The following SANBR variants were observed in gnomAD, a reference collection of about 807,000 sequenced individuals.
SANBR encodes the protein SANT and BTB domain regulator of CSR, also known as SANT and BTB domain regulator of class switch recombination.
Under a neutral mutation model 101.8 loss-of-function variants are expected in SANBR, and 77 were observed. The observed-to-expected ratio is 0.76, with a 90% confidence interval of 0.63 to 0.91. The LOEUF (loss-of-function observed/expected upper bound fraction) is 0.91, where lower values mean the gene tolerates loss of function less well. Ranked by LOEUF, SANBR falls within the 40% of genes least tolerant of loss-of-function variation. The pLI is 0.00. For missense variants in SANBR, 875 were observed against 853.0 expected, an observed-to-expected ratio of 1.03 and a Z score of -0.32; for synonymous variants, 279 against 274.7, an observed-to-expected ratio of 1.02 and a Z score of -0.15.
At chr2:61,129,392 C>T (rs537269697) in intron 20 of SANBR, among the ~76,000 whole-genome samples, 1 of 150,600 alleles carries the variant, frequency 6.6e-6, no homozygotes, top group East Asian at 2.0e-4. Flanking sequence ...TGCCGTGAGC[C>T]GAGATCATGA....
intron 8 of SANBR, among the ~76,000 whole-genome samples, chr2:61,086,678 T>TA (rs1426474171): frequency 6.6e-6 from 1 of 152,230 alleles, no homozygotes; most frequent in Non-Finnish European, 1.5e-5. Flanking sequence ...CCGGATGTTT[T>TA]ACTTTGCATG....
chr2:61,125,657 A>G (rs1005824849), downstream of SANBR, among the ~76,000 whole-genome samples: 6 of 152,168 alleles, frequency 3.9e-5, no homozygotes, highest in African/African-American at 1.2e-4. Context: ...GCTTCTTACT[A>G]TTTGTTCATG....
chr2:61,130,937 A>T, intron 20 of SANBR, among the ~76,000 whole-genome samples: 1 of 147,358 alleles, frequency 6.8e-6, no homozygotes, highest in East Asian at 1.9e-4. Context: ...CTCAAAAAAA[A>T]AAAAAAAAAA....
intron 6 of SANBR, among the ~76,000 whole-genome samples, chr2:61,079,466 T>TA (rs1203879302): frequency 6.6e-6 from 1 of 152,190 alleles, no homozygotes; most frequent in Non-Finnish European, 1.5e-5. Flanking sequence ...AAAAGTTTTT[T>TA]AAAAAACTTA....
At chr2:61,128,963 A>T (rs1684599093), downstream of SANBR, among the ~76,000 whole-genome samples, 1 of 152,106 alleles carries the variant, frequency 6.6e-6, no homozygotes, top group African/African-American at 2.4e-5. Context: ...TCCTGTTCCA[A>T]AACGAAGGAG....
chr2:61,100,886 A>G (rs1057461158), intron 12 of SANBR, among the ~76,000 whole-genome samples: 5 of 152,192 alleles, frequency 3.3e-5, no homozygotes, highest in African/African-American at 1.2e-4. Flanking sequence ...TCTCTCCAGT[A>G]ACCCTTGTCT....
At chr2:61,120,425 G>A (rs1235523696) in intron 20 of SANBR, among the ~76,000 whole-genome samples, 4 of 152,152 alleles carry the variant, frequency 2.6e-5, no homozygotes, top group South Asian at 2.1e-4. Flanking sequence ...ACTTGAACCC[G>A]GAAGGTTGAG....
intron 8 of SANBR, among the ~76,000 whole-genome samples, chr2:61,085,268 T>C (rs1682362671): frequency 6.6e-6 from 1 of 152,108 alleles, no homozygotes; most frequent in Admixed American, 6.6e-5. Context: ...GAAGACATTG[T>C]CCTATGTTTT....
intron 12 of SANBR, among the ~76,000 whole-genome samples, chr2:61,098,300 C>T (rs907203104): frequency 4.0e-4 from 61 of 151,974 alleles, no homozygotes; most frequent in African/African-American, 1.4e-3. Context: ...GACAGGGTTT[C>T]GCCATGTTGC....
chr2:61,104,211 G>A lies in SANBR; in HGVS notation c.1511+213G>A, dbSNP rs139998920. Among the ~76,000 whole-genome samples the A allele has an allele frequency of 8.1e-3, 1,228 of 152,180 alleles. 18 individuals carry two copies. Among genetic ancestry groups the A allele is most frequent in the African/African-American group, 0.028 (1,148 of 41,526 alleles). ...AAAAATACTGGAGGTGGCTGGGCGC[G>A]GTGGCTCACACCTGTAATCCCAGCA... On this transcript the variant is annotated intron_variant, in intron 13 of 21. Transcript: ENST00000402291.
intron 20 of SANBR, among the ~76,000 whole-genome samples, chr2:61,131,657 G>A (rs1263002379): frequency 6.6e-6 from 1 of 152,184 alleles, no homozygotes; most frequent in African/African-American, 2.4e-5. Context: ...AGACTTGTGA[G>A]AGACTCTCTT....
At chr2:61,085,205 C>T (rs1682356757) in intron 8 of SANBR, among the ~76,000 whole-genome samples, 1 of 152,074 alleles carries the variant, frequency 6.6e-6, no homozygotes, top group South Asian at 2.1e-4. Context: ...TGGATGAGAC[C>T]ATACTTTTTT....
chr2:61,100,540 CAA>C (rs1683233294), intron 12 of SANBR, among the ~76,000 whole-genome samples: 1 of 152,160 alleles, frequency 6.6e-6, no homozygotes, highest in South Asian at 2.1e-4. Context: ...TTAATTTCGA[CAA>C]GAGGGAGGAC....
chr2:61,106,621 C>T lies in SANBR; in HGVS notation c.1570C>T (p.Pro524Ser). 1 of 1,599,536 alleles carries T rather than the reference C, an allele frequency of 6.3e-7. No homozygotes were observed. Among genetic ancestry groups the T allele is most frequent in the South Asian group, 1.1e-5 (1 of 87,232 alleles). ...KGIECDVLLE[P>S]NTPWGPKTGE... ...TATAGAATGTGATGTTTTACTGGAG[C>T]CAAATACACCATGGGGTCCCAAAAC... Residue 524 changes from proline to serine, a missense_variant, in exon 14 of 22, where the codon CCA becomes TCA. Transcript: ENST00000402291.
At position 61,076,954 on chromosome 2, in the gene SANBR, A is replaced by G; in HGVS notation, c.466A>G (p.Lys156Glu). Residue 156 changes from lysine to glutamate, a missense_variant, in exon 6 of 22, where the codon AAA (lysine) becomes GAA (glutamate). By Grantham distance (56) the Lys-to-Glu change is moderately conservative (BLOSUM62 1). Transcript: ENST00000402291. ...NMVIHVCDEAKNLKEDFTCPR... is the reference protein window; with the variant it reads ...NMVIHVCDEAENLKEDFTCPR... ...GGTGATCCATGTGTGTGATGAAGCA[A>G]AAAACTTGAAAGAAGATTTTACTTG... is the stretch of plus-strand genomic sequence containing the variant. 2 of 1,614,134 alleles carry G rather than the reference A, an allele frequency of 1.2e-6. No individual in the cohort carries two copies. Among genetic ancestry groups the G allele is most frequent in the Non-Finnish European group, 1.7e-6 (2 of 1,180,006 alleles).
intron 14 of SANBR, among the ~76,000 whole-genome samples, chr2:61,106,966 A>G (rs1683602542): frequency 6.6e-6 from 1 of 152,014 alleles, no homozygotes. Context: ...GGAGTTTGAG[A>G]CCAGCCTGGG....
chr2:61,125,897 T>C (rs1294848185), downstream of SANBR, among the ~76,000 whole-genome samples: 1 of 152,160 alleles, frequency 6.6e-6, no homozygotes, highest in African/African-American at 2.4e-5. Flanking sequence ...GGTCTATCAA[T>C]ACATTCCAAC....
chr2:61,109,043 T>A (rs916848803), intron 15 of SANBR, among the ~76,000 whole-genome samples, 154 bp from the exon 16 acceptor site: 5 of 152,228 alleles, frequency 3.3e-5, no homozygotes, highest in African/African-American at 1.2e-4. Flanking sequence ...ATAAAAATTC[T>A]TATGTCTATT....
Position 61,118,103 on chromosome 2 carries a change from A to G in SANBR, c.2015A>G (p.Lys672Arg), listed in dbSNP as rs1306773017. The G allele has an allele frequency of 6.2e-7, 1 of 1,611,550 alleles. No homozygotes were observed. The highest frequency in any genetic ancestry group is 8.5e-7 in the Non-Finnish European group (1 of 1,178,246). The change falls in exon 20 of 22, where the codon AAG becomes AGG. Residue 672 changes from lysine (K) to arginine (R), a missense_variant. Transcript: ENST00000402291. ...GGGGATCTGGACCGAGTCAAGTCAA[A>G]GGAAGCAAAAGAAGTAAGAATTGTG... ...RLGDLDRVKS[K>R]EAKEFAGGIY... is the part of the protein sequence containing the mutation.
Sources: gnomAD v4.1 joint callset for allele counts (sites outside exome capture counted in the v4.1 genomes callset) on GRCh38, gnomAD v4.1.1 for gene constraint, MANE v1.5 for transcripts, NCBI Gene and HGNC (gene_info 2026-07-23, HGNC 2026-07-21) for gene names.